Variants in WWOX observed in about 807,000 individuals in gnomAD.
WWOX encodes the protein WW domain containing oxidoreductase, also known as WW domain-containing oxidoreductase.
In WWOX, 69 loss-of-function variants were observed where a neutral mutation model predicts 46.2. The ratio of observed to expected loss-of-function variants is 1.49; its 90% confidence interval spans 1.23 to 1.82. The LOEUF (loss-of-function observed/expected upper bound fraction) is 1.82, where lower values mean the gene tolerates loss of function less well. Ranked by LOEUF, WWOX falls within the 40% of genes most tolerant of loss-of-function variation. WWOX has a pLI of 0.00. For missense variants in WWOX, 919 were observed against 542.6 expected, an observed-to-expected ratio of 1.69 and a Z score of -6.89; for synonymous variants, 359 against 202.6, an observed-to-expected ratio of 1.77 and a Z score of -6.56.
chr16:78,371,748 A>G (rs547408664), intron 5 of WWOX, among the ~76,000 whole-genome samples: 35 of 152,134 alleles, frequency 2.3e-4, no homozygotes, highest in African/African-American at 7.9e-4. Flanking sequence ...AATATTTGCT[A>G]TACTAGCTAT....
intron 8 of WWOX, among the ~76,000 whole-genome samples, chr16:79,163,795 C>CAA (rs66922536): frequency 6.1e-4 from 62 of 101,866 alleles, no homozygotes; most frequent in Non-Finnish European, 8.2e-4. Context: ...AACTCCACCT[C>CAA]AAAAAAAAAA....
intron 4 of WWOX, among the ~76,000 whole-genome samples, chr16:78,159,230 A>C (rs746234553): frequency 6.6e-6 from 1 of 152,006 alleles, no homozygotes; most frequent in Admixed American, 6.6e-5. Flanking sequence ...GGCTGCTTCC[A>C]TGTCTTGGCT....
At chr16:79,184,443 T>C (rs947457246) in intron 8 of WWOX, among the ~76,000 whole-genome samples, 4 of 152,144 alleles carry the variant, frequency 2.6e-5, no homozygotes, top group Non-Finnish European at 5.9e-5. Context: ...AGACCACCAA[T>C]TTCCACGCCT....
chr16:78,620,951 A>G (rs1390836995), intron 8 of WWOX, among the ~76,000 whole-genome samples: 1 of 152,188 alleles, frequency 6.6e-6, no homozygotes, highest in Non-Finnish European at 1.5e-5. Context: ...TGGAGATTAA[A>G]GCATCTCACT....
intron 8 of WWOX, among the ~76,000 whole-genome samples, chr16:79,189,492 G>A (rs1042400163): frequency 2.1e-5 from 3 of 144,512 alleles, no homozygotes; most frequent in African/African-American, 7.7e-5. Context: ...GTAGAGACAG[G>A]GTCTCACTGT....
intron 8 of WWOX, among the ~76,000 whole-genome samples, chr16:78,645,852 C>A (rs1391269307): frequency 6.6e-6 from 1 of 152,076 alleles, no homozygotes; most frequent in Non-Finnish European, 1.5e-5. Context: ...GCTCTGGGGG[C>A]TTCTGGGGAG....
chr16:79,118,556 A>C (rs984224350), intron 8 of WWOX, among the ~76,000 whole-genome samples: 2 of 152,252 alleles, frequency 1.3e-5, no homozygotes, highest in Admixed American at 1.3e-4. Flanking sequence ...TTTGTAAAAA[A>C]CACAGTATTT....
chr16:79,178,395 C>T (rs1309318244), intron 8 of WWOX, among the ~76,000 whole-genome samples: 1 of 152,126 alleles, frequency 6.6e-6, no homozygotes, highest in Non-Finnish European at 1.5e-5. Flanking sequence ...CAGCTCACTA[C>T]AGCTTCAACC....
At chr16:78,166,483 T>G (rs749063942) in intron 5 of WWOX, among the ~76,000 whole-genome samples, 1 of 152,214 alleles carries the variant, frequency 6.6e-6, no homozygotes, top group Non-Finnish European at 1.5e-5. Flanking sequence ...ACTGGACTCC[T>G]TGATTCAAAG....
At chr16:79,051,461 G>A (rs1322927701) in intron 8 of WWOX, among the ~76,000 whole-genome samples, 2 of 151,960 alleles carry the variant, frequency 1.3e-5, no homozygotes, top group Admixed American at 6.6e-5. Context: ...AAGACCTTTT[G>A]AGGTTGCCAC....
chr16:78,918,127 G>T (rs1343794148), intron 8 of WWOX, among the ~76,000 whole-genome samples: 1 of 152,090 alleles, frequency 6.6e-6, no homozygotes, highest in African/African-American at 2.4e-5. Flanking sequence ...GGAGGCTGAG[G>T]TGGGAGGATC....
intron 8 of WWOX, among the ~76,000 whole-genome samples, chr16:79,036,278 C>G (rs373424768): frequency 1.3e-5 from 2 of 152,342 alleles, no homozygotes; most frequent in African/African-American, 4.8e-5. Context: ...TGACTCCCAC[C>G]AGATAATGCC....
intron 8 of WWOX, among the ~76,000 whole-genome samples, chr16:78,884,615 A>G (rs1366714170): frequency 3.9e-5 from 6 of 152,212 alleles, no homozygotes; most frequent in Admixed American, 3.9e-4. Context: ...CTATGTGATT[A>G]TAGTTACAAT....
intron 8 of WWOX, among the ~76,000 whole-genome samples, chr16:78,725,548 T>C (rs1230556046): frequency 6.6e-6 from 1 of 151,800 alleles, no homozygotes; most frequent in East Asian, 1.9e-4. Flanking sequence ...GGTTTCACCA[T>C]GTTGGTCACG....
At position 79,179,374 on chromosome 16, in the gene WWOX, T is replaced by G. The variant is rs762726225; in HGVS notation, c.1057-32234T>G. On this transcript the variant is annotated intron_variant, in intron 8 of 8. Transcript: ENST00000566780. ...AATCACGCCTTATTCCTAGGCAGAC[T>G]TCTTGGGTACACTTTCCACCCTCCC... is the stretch of plus-strand genomic sequence containing the variant. Among the ~76,000 whole-genome samples the G allele has an allele frequency of 6.6e-5, 10 of 152,298 alleles. No individual in the cohort carries two copies. In the South Asian group the frequency reaches 1.2e-3, roughly 19 times the overall value.
At chr16:78,522,809 C>T (rs746422186) in intron 8 of WWOX, among the ~76,000 whole-genome samples, 12 of 152,194 alleles carry the variant, frequency 7.9e-5, no homozygotes, top group South Asian at 2.1e-4. Flanking sequence ...CAGTGGCTCA[C>T]GCCTGTAATC....
chr16:78,286,622 G>A (rs1023346315), intron 5 of WWOX, among the ~76,000 whole-genome samples: 19 of 151,754 alleles, frequency 1.3e-4, no homozygotes, highest in African/African-American at 4.6e-4. Context: ...TGGAACTGTG[G>A]TTTTCACTGA....
intron 8 of WWOX, among the ~76,000 whole-genome samples, chr16:78,581,574 T>C (rs2045054273): frequency 6.6e-6 from 1 of 152,166 alleles, no homozygotes; most frequent in African/African-American, 2.4e-5. Flanking sequence ...TGTGAACCTC[T>C]AGGAATGTTT....
intron 5 of WWOX, among the ~76,000 whole-genome samples, chr16:78,197,084 C>G (rs992145219): frequency 4.6e-5 from 7 of 152,176 alleles, no homozygotes; most frequent in Non-Finnish European, 8.8e-5. Context: ...GCACCAGACT[C>G]GTATCAGCCA....
Sources: allele counts gnomAD v4.1 joint callset (sites outside exome capture counted in the v4.1 genomes callset), GRCh38; gene constraint gnomAD v4.1.1; transcripts MANE v1.5; gene names NCBI Gene and HGNC (gene_info 2026-07-23, HGNC 2026-07-21).